PKP2: variants seen among roughly 807,000 people sequenced by gnomAD.
The protein encoded by PKP2 is plakophilin-2.
In PKP2, 73 loss-of-function variants were observed where a neutral mutation model predicts 83.4. That is an observed-to-expected ratio of 0.88 (90% CI 0.72 to 1.06). The LOEUF is 1.06. PKP2 is among the 50% of genes least tolerant of loss of function. The pLI, the probability that PKP2 is intolerant of heterozygous loss-of-function variation, is 0.00. For synonymous variants in PKP2, 409 were observed against 430.4 expected, an observed-to-expected ratio of 0.95 and a Z score of 0.62; for missense variants, 966 against 1,065.4, an observed-to-expected ratio of 0.91 and a Z score of 1.30.
In PKP2 at chr12:32,802,392, T is replaced by C. The variant is rs551378645; in HGVS notation, c.2167+11A>G. ...TGTACATATTACACATAGATACTTA[T>C]ACCGACTCACCAATTTCATTCTGCA... On this transcript the variant is annotated intron_variant, in intron 10 of 12. Transcript: ENST00000340811. The C allele has an allele frequency of 3.1e-6, 5 of 1,613,328 alleles. No homozygotes were observed. In the African/African-American group the frequency reaches 4.0e-5, roughly 13 times the overall value.
chr12:32,840,436 T>C (rs1478985593), intron 6 of PKP2, among the ~76,000 whole-genome samples: 1 of 152,170 alleles, frequency 6.6e-6, no homozygotes, highest in East Asian at 1.9e-4. Context: ...TAGGTGGGAC[T>C]ACATGTGCAC....
intron 4 of PKP2, among the ~76,000 whole-genome samples, chr12:32,861,893 ACTTT>A (rs756558424): frequency 2.0e-5 from 3 of 152,074 alleles, no homozygotes; most frequent in Non-Finnish European, 4.4e-5. Context: ...CAGTGGAGCA[ACTTT>A]CTTTCTTTCT....
At chr12:32,827,323 T>C (rs1225732722) in intron 6 of PKP2, among the ~76,000 whole-genome samples, 2 of 152,230 alleles carry the variant, frequency 1.3e-5, no homozygotes, top group Non-Finnish European at 2.9e-5. Flanking sequence ...TGGAACCCCA[T>C]TGCTTTAGTA....
chr12:32,877,986 G>C lies in PKP2; in HGVS notation c.894C>G (p.Thr298=). 3 of 1,614,068 alleles carry C rather than the reference G, an allele frequency of 1.9e-6. No homozygotes were observed. Among genetic ancestry groups the C allele is most frequent in the Non-Finnish European group, 8.5e-7 (1 of 1,180,014 alleles). Residue 298 remains threonine (T), a synonymous_variant, in exon 3 of 13, where the codon ACC becomes ACG. Transcript: ENST00000340811. ...TGGGCCCAGCTTCCCTCAGCGTGCG[G>C]GTGCTGTGGAAGGAGCTCTGATGCC... ...SSWHQSSFHS[T]RTLREAGPSV...
chr12:32,862,160 G>A (rs943189369), intron 4 of PKP2, among the ~76,000 whole-genome samples: 4 of 152,104 alleles, frequency 2.6e-5, no homozygotes, highest in Non-Finnish European at 5.9e-5. Flanking sequence ...GTCCTCCAAA[G>A]GGCTGGGATT....
intron 6 of PKP2, among the ~76,000 whole-genome samples, chr12:32,829,904 G>A (rs531803613): frequency 8.4e-4 from 127 of 151,894 alleles, no homozygotes; most frequent in African/African-American, 2.8e-3. Context: ...CAGGTGATCC[G>A]CCTGCCTCAG....
At position 32,825,271 on chromosome 12, in the gene PKP2, C is replaced by T. The variant is rs182560650; in HGVS notation, c.1557-1109G>A. Among the ~76,000 whole-genome samples, 436 of 148,686 alleles carry T rather than the reference C, an allele frequency of 2.9e-3. 1 individual carries two copies. Among genetic ancestry groups the T allele is most frequent in the Middle Eastern group, 0.025 (7 of 282 alleles). On this transcript the variant is annotated intron_variant, in intron 6 of 12. Coordinates refer to ENST00000340811, the MANE Select transcript of PKP2 (RefSeq NM_001005242.3). ...GTAACCTCCACCTCCCGGGTTCAAGCGATTCTCCTGCCTCAGCCTCCCGAG... is the reference window on the plus strand; with the variant it reads ...GTAACCTCCACCTCCCGGGTTCAAGTGATTCTCCTGCCTCAGCCTCCCGAG...
chr12:32,891,872 T>G (rs923158038), intron 1 of PKP2, among the ~76,000 whole-genome samples: 5 of 151,988 alleles, frequency 3.3e-5, no homozygotes, highest in Non-Finnish European at 5.9e-5. Context: ...GGGTGTGAAG[T>G]TTTTTTTGTT....
At chr12:32,808,862 G>C (rs1007440758) in intron 9 of PKP2, among the ~76,000 whole-genome samples, 2 of 152,296 alleles carry the variant, frequency 1.3e-5, no homozygotes, top group South Asian at 4.1e-4. Flanking sequence ...AACAGTGAAG[G>C]CTGTGAAGCA....
chr12:32,824,940 A>T (rs1164712232), intron 6 of PKP2, among the ~76,000 whole-genome samples: 2 of 152,162 alleles, frequency 1.3e-5, no homozygotes, highest in African/African-American at 2.4e-5. Flanking sequence ...GATTCAGATC[A>T]TGTGTATAGT....
At chr12:32,867,306 C>T (rs371748064) in intron 4 of PKP2, among the ~76,000 whole-genome samples, 1 of 152,156 alleles carries the variant, frequency 6.6e-6, no homozygotes, top group African/African-American at 2.4e-5. Context: ...CCAGCCTAAG[C>T]GACACAGTGA....
At chr12:32,869,086 GC>G in intron 3 of PKP2, 24 bp from the exon 4 acceptor site, 1 of 1,613,246 alleles carries the variant, frequency 6.2e-7, no homozygotes, top group Non-Finnish European at 8.5e-7. Flanking sequence ...CACAGATTCA[GC>G]CAGATTCCAA....
intron 1 of PKP2, among the ~76,000 whole-genome samples, chr12:32,888,046 G>A (rs1957045461): frequency 6.6e-6 from 1 of 152,098 alleles, no homozygotes; most frequent in African/African-American, 2.4e-5. Flanking sequence ...GCTGGGTGTG[G>A]TGGCGTACAC....
chr12:32,882,326 AG>A (rs1956993756), intron 1 of PKP2, among the ~76,000 whole-genome samples: 1 of 152,162 alleles, frequency 6.6e-6, no homozygotes. Context: ...ATAAAACGGC[AG>A]GTGATGAAAG....
chr12:32,832,970 G>A (rs1239647461), intron 6 of PKP2, among the ~76,000 whole-genome samples: 1 of 152,186 alleles, frequency 6.6e-6, no homozygotes, highest in East Asian at 1.9e-4. Context: ...TACAGGCCAG[G>A]CACGCTGGCT....
At chr12:32,858,887 A>G (rs1206786016) in intron 4 of PKP2, among the ~76,000 whole-genome samples, 1 of 152,112 alleles carries the variant, frequency 6.6e-6, no homozygotes, top group African/African-American at 2.4e-5. Context: ...ATTCAAGTGA[A>G]AAAAAAATCA....
intron 6 of PKP2, among the ~76,000 whole-genome samples, chr12:32,838,264 G>T (rs1388653713): frequency 6.6e-6 from 1 of 152,122 alleles, no homozygotes; most frequent in Non-Finnish European, 1.5e-5. Context: ...TTAAAAATGG[G>T]AGCTAAACAC....
chr12:32,843,651 T>C (rs1366162593), intron 5 of PKP2, among the ~76,000 whole-genome samples: 1 of 152,230 alleles, frequency 6.6e-6, no homozygotes, highest in Non-Finnish European at 1.5e-5. Flanking sequence ...ACTAGATTTC[T>C]GGCTTATGAG....
intron 9 of PKP2, among the ~76,000 whole-genome samples, chr12:32,813,122 T>C (rs913501517): frequency 6.6e-6 from 1 of 152,134 alleles, no homozygotes; most frequent in Non-Finnish European, 1.5e-5. Flanking sequence ...TAAATAATGG[T>C]CAGTATTAGC....
Sources: allele counts gnomAD v4.1 joint callset (sites outside exome capture counted in the v4.1 genomes callset), GRCh38; gene constraint gnomAD v4.1.1; transcripts MANE v1.5; gene names NCBI Gene and HGNC (gene_info 2026-07-23, HGNC 2026-07-21).